Variants in HMGCL observed in about 807,000 individuals in gnomAD.
The protein encoded by HMGCL is 3-hydroxy-3-methylglutaryl-CoA lyase.
HMGCL carries 26 observed loss-of-function variants against 37.3 expected under a neutral mutation model. The observed-to-expected ratio is 0.70, with a 90% CI of 0.51 to 0.97. The LOEUF is 0.97. HMGCL is among the 50% of genes least tolerant of loss of function. The probability of loss-of-function intolerance (pLI) is 0.00; values close to 1 mark genes in which losing one functional copy is unlikely to be tolerated. For missense variants in HMGCL, 379 were observed against 398.1 expected, an observed-to-expected ratio of 0.95 and a Z score of 0.41; for synonymous variants, 151 against 148.0, an observed-to-expected ratio of 1.02 and a Z score of -0.15.
chr1:23,820,404 G>T, intron 2 of HMGCL, 106 bp downstream of exon 2: 1 of 807,854 alleles, frequency 1.2e-6, no homozygotes, highest in Non-Finnish European at 2.2e-6. Context: ...TTGTGCAGAG[G>T]AATCACATCT....
chr1:23,824,993 A>G (rs1250632830), intron 1 of HMGCL, among the ~76,000 whole-genome samples: 1 of 152,204 alleles, frequency 6.6e-6, no homozygotes, highest in African/African-American at 2.4e-5. Context: ...GAGACGAAGG[A>G]AATGGAAGCG....
intron 4 of HMGCL, 126 bp downstream of exon 4, chr1:23,816,549 G>A: frequency 1.3e-6 from 1 of 773,562 alleles, no homozygotes; most frequent in East Asian, 2.4e-5. Flanking sequence ...TTGCCCCAGG[G>A]TCTGGCTGAC....
intron 4 of HMGCL, among the ~76,000 whole-genome samples, chr1:23,814,675 T>C (rs1336507083): frequency 2.0e-5 from 3 of 152,206 alleles, no homozygotes; most frequent in African/African-American, 7.2e-5. Flanking sequence ...GGCCAGCACT[T>C]TTCTCTTTAA....
At chr1:23,814,422 G>A (rs1183484821) in intron 4 of HMGCL, 84 bp from the exon 5 acceptor site, 11 of 1,502,028 alleles carry the variant, frequency 7.3e-6, no homozygotes, top group South Asian at 3.4e-5. Context: ...CCAGGCTGGA[G>A]TGCAGTGGCA....
intron 4 of HMGCL, 92 bp from the exon 5 acceptor site, chr1:23,814,430 G>C: frequency 1.4e-6 from 2 of 1,435,826 alleles, no homozygotes; most frequent in African/African-American, 1.4e-5. Context: ...GAGTGCAGTG[G>C]CATGATCTCG....
chr1:23,807,123 T>A (rs989994919), intron 7 of HMGCL: 1 of 519,044 alleles, frequency 1.9e-6, no homozygotes, highest in Non-Finnish European at 3.8e-6. Flanking sequence ...GTCCTGAGCG[T>A]GATCAGGATG....
intron 5 of HMGCL, among the ~76,000 whole-genome samples, chr1:23,812,880 T>C (rs910358243): frequency 3.3e-5 from 5 of 152,020 alleles, no homozygotes; most frequent in Non-Finnish European, 5.9e-5. Flanking sequence ...ATGTGCACTT[T>C]TGTGGGGTTT....
Position 23,806,732 on chromosome 1 carries a change from A to G in HMGCL, c.750+1403T>C. 1 of 353,432 alleles carries G rather than the reference A, an allele frequency of 2.8e-6. No individual in the cohort carries two copies. The highest frequency in any genetic ancestry group is 5.6e-6 in the Non-Finnish European group (1 of 179,452). The allele number at this position is 353,432 out of a possible 1,614,324, so 21.9% of individuals were successfully genotyped here. On this transcript the variant is annotated intron_variant, in intron 7 of 8. Transcript: ENST00000374490. The surrounding 1 kb of genome is among the most constrained non-coding windows in gnomAD (Gnocchi z 4.0). Reference sequence around the variant, plus strand: ...ACTAGAGTGTCAGCCTCATGAGGGCAGAGACTCTGTTTTGGTCACAGCTGA... The same window carrying G: ...ACTAGAGTGTCAGCCTCATGAGGGCGGAGACTCTGTTTTGGTCACAGCTGA...
In HMGCL at chr1:23,810,719, C is replaced by G; in HGVS notation, c.561+17G>C. The G allele has an allele frequency of 1.2e-6, 2 of 1,613,324 alleles. No individual in the cohort carries two copies. The highest frequency in any genetic ancestry group is 1.7e-6 in the Non-Finnish European group (2 of 1,179,352). On this transcript the variant is annotated intron_variant, in intron 6 of 8. Coordinates refer to ENST00000374490, the MANE Select transcript of HMGCL (RefSeq NM_000191.3). ...GCCAACCCTCACCAAACCCCCCGCC[C>G]TGACACATGCACACACCTCAGCTAC...
At chr1:23,813,784 T>A (rs2148422223) in intron 5 of HMGCL, 1 of 262,868 alleles carries the variant, frequency 3.8e-6, no homozygotes, top group East Asian at 9.1e-5. Flanking sequence ...TCCAGGGATG[T>A]GTGAAGAGCT....
At chr1:23,816,440 C>T in intron 4 of HMGCL, 1 of 582,780 alleles carries the variant, frequency 1.7e-6, no homozygotes, top group Non-Finnish European at 3.1e-6. Flanking sequence ...TGCATCCTAT[C>T]TTCTGAAATG....
chr1:23,823,880 GAAAGA>G (rs370490614), intron 1 of HMGCL, among the ~76,000 whole-genome samples: 8 of 151,580 alleles, frequency 5.3e-5, no homozygotes, highest in Admixed American at 1.3e-4. Flanking sequence ...AAAAAAAAAA[GAAAGA>G]AAAGAAAAGA....
chr1:23,804,476 G>T lies in HMGCL; in HGVS notation c.800C>A (p.Pro267His), dbSNP rs750347526. Residue 267 changes from proline to histidine, a missense_variant, in exon 8 of 9, where the codon CCC becomes CAC. Pro to His is a moderately conservative substitution (Grantham distance 77). Coordinates refer to ENST00000374490, the MANE Select transcript of HMGCL (RefSeq NM_000191.3). Reference protein sequence around the residue: ...DSSVAGLGGCPYAQGASGNLA... With the variant: ...DSSVAGLGGCHYAQGASGNLA... ...GTTTCCTGATGCCCCCTGTGCGTAGGGACAGCCTCCAAGTCCTGCCACAGA... is the reference window on the plus strand; with the variant it reads ...GTTTCCTGATGCCCCCTGTGCGTAGTGACAGCCTCCAAGTCCTGCCACAGA... The T allele has an allele frequency of 3.7e-6, 6 of 1,614,052 alleles. No individual in the cohort carries two copies. Among genetic ancestry groups the T allele is most frequent in the Non-Finnish European group, 5.1e-6 (6 of 1,179,962 alleles).
At chr1:23,808,626 T>G (rs1467901412) in intron 6 of HMGCL, among the ~76,000 whole-genome samples, 1 of 152,202 alleles carries the variant, frequency 6.6e-6, no homozygotes, top group Non-Finnish European at 1.5e-5. Context: ...GGCTGTCACA[T>G]CATACTGTCA....
chr1:23,816,625 A>G (rs1247722412), intron 4 of HMGCL, 50 bp downstream of exon 4: 1 of 1,093,118 alleles, frequency 9.1e-7, no homozygotes, highest in East Asian at 2.3e-5. Context: ...GCAGGGACCA[A>G]TGCCATCAAT....
chr1:23,820,404 G>C, intron 2 of HMGCL, 106 bp downstream of exon 2: 1 of 807,854 alleles, frequency 1.2e-6, no homozygotes, highest in Non-Finnish European at 2.2e-6. Context: ...TTGTGCAGAG[G>C]AATCACATCT....
At position 23,816,766 on chromosome 1, in the gene HMGCL, C is replaced by T; in HGVS notation, c.257G>A (p.Gly86Asp). Residue 86 changes from glycine (G) to aspartate (D), a missense_variant, in exon 4 of 9, where the codon GGT becomes GAT. Coordinates refer to ENST00000374490, the MANE Select transcript of HMGCL (RefSeq NM_000191.3). ...GCCCTTCAAGACTTCAGTGTGGTCA[C>T]CCATCTAGGAACCAAGGGAGACATT... ...FVSPKWVPQM[G>D]DHTEVLKGIQ... 1.2e-6 allele frequency: 2 copies of T among 1,605,544 alleles called. No homozygotes were observed. The highest frequency in any genetic ancestry group is 4.5e-5 in the East Asian group (2 of 44,840).
intron 8 of HMGCL, chr1:23,803,950 A>C (rs886247612): frequency 5.8e-6 from 1 of 171,628 alleles, no homozygotes; most frequent in Admixed American, 5.7e-5. Flanking sequence ...GACCCTTCCC[A>C]GGGCCCCTTC....
chr1:23,808,261 C>T lies in HMGCL; in HGVS notation c.624G>A (p.Val208=), dbSNP rs747724373. The change falls in exon 7 of 9, where the codon GTG becomes GTA. Residue 208 remains valine, a synonymous_variant. Transcript: ENST00000374490. ...TGTCTTTCATGATCCCTGGGGTGCCCACACCAATGGTGTCCCCCAGGGAGA... is the reference window on the plus strand; with the variant it reads ...TGTCTTTCATGATCCCTGGGGTGCCTACACCAATGGTGTCCCCCAGGGAGA... ...YEISLGDTIG[V]GTPGIMKDML... 3.1e-6 allele frequency: 5 copies of T among 1,613,878 alleles called. No homozygotes were observed. The highest frequency in any genetic ancestry group is 1.6e-4 in the Middle Eastern group (1 of 6,084).
Sources: allele counts gnomAD v4.1 joint callset (sites outside exome capture counted in the v4.1 genomes callset), GRCh38; gene constraint gnomAD v4.1.1; non-coding constraint Gnocchi (gnomAD v3.1); transcripts MANE v1.5; gene names NCBI Gene and HGNC (gene_info 2026-07-23, HGNC 2026-07-21).